SLC71A2: variants seen among roughly 807,000 people sequenced by gnomAD.
SLC71A2 encodes solute carrier family 71 member 2, also known as hippocampus abundant transcript-like 1.
At chr9:94,429,419 A>G in the SLC71A2 span, among the ~76,000 whole-genome samples, 1 of 152,186 alleles carries the variant, frequency 6.6e-6, no homozygotes, top group Admixed American at 6.5e-5. Flanking sequence ...ATACAACACA[A>G]ATACATAAGG....
the SLC71A2 span, among the ~76,000 whole-genome samples, chr9:94,430,255 C>T: frequency 6.8e-6 from 1 of 147,330 alleles, no homozygotes; most frequent in East Asian, 2.0e-4. Context: ...TGGAGTCTCG[C>T]TCTGTTGCCC....
chr9:94,382,944 C>T, the SLC71A2 span, among the ~76,000 whole-genome samples: 2 of 152,052 alleles, frequency 1.3e-5, no homozygotes, highest in Non-Finnish European at 2.9e-5. Flanking sequence ...CCACCTGCCT[C>T]GGCCTCCCAA....
the SLC71A2 span, among the ~76,000 whole-genome samples, chr9:94,425,825 T>C: frequency 6.6e-6 from 1 of 152,076 alleles, no homozygotes; most frequent in Non-Finnish European, 1.5e-5. Context: ...TAAACTAAGT[T>C]TCTCCCAAAG....
the SLC71A2 span, among the ~76,000 whole-genome samples, chr9:94,455,378 A>ATTTTTTT: frequency 6.0e-3 from 512 of 85,758 alleles, 48 homozygotes; most frequent in East Asian, 0.033. Context: ...TAATATTCTG[A>ATTTTTTT]TTTTTTTTTT....
chr9:94,412,467 C>G, the SLC71A2 span, among the ~76,000 whole-genome samples: 1 of 152,208 alleles, frequency 6.6e-6, no homozygotes, highest in Non-Finnish European at 1.5e-5. Context: ...CCACCATTTT[C>G]ACCCTTATGT....
the SLC71A2 span, among the ~76,000 whole-genome samples, chr9:94,435,131 G>A: frequency 6.6e-6 from 1 of 152,130 alleles, no homozygotes; most frequent in South Asian, 2.1e-4. Context: ...TGCATATAAA[G>A]CGTGCCCTCT....
the SLC71A2 span, among the ~76,000 whole-genome samples, chr9:94,453,392 C>T: frequency 6.6e-6 from 1 of 152,182 alleles, no homozygotes; most frequent in African/African-American, 2.4e-5. Context: ...TTGTGATCTG[C>T]TTGCCTCGGC....
the SLC71A2 span, among the ~76,000 whole-genome samples, chr9:94,410,096 T>C: frequency 6.7e-6 from 1 of 149,154 alleles, no homozygotes; most frequent in East Asian, 2.0e-4. Context: ...GGACGATGGC[T>C]TTTTTTTTTC....
At chr9:94,447,080 T>C in the SLC71A2 span, 1 of 541,148 alleles carries the variant, frequency 1.8e-6, no homozygotes, top group East Asian at 3.1e-5. Context: ...GGCATATAAT[T>C]AGTAAACAGG....
chr9:94,390,313 A>G, the SLC71A2 span, among the ~76,000 whole-genome samples: 51 of 150,184 alleles, frequency 3.4e-4, no homozygotes, highest in Non-Finnish European at 1.0e-4. Flanking sequence ...CCCTGTAACC[A>G]GGATCCATTA....
At chr9:94,457,128 C>A in the SLC71A2 span, among the ~76,000 whole-genome samples, 1 of 152,072 alleles carries the variant, frequency 6.6e-6, no homozygotes, top group African/African-American at 2.4e-5. Flanking sequence ...CCATGCCCAG[C>A]TAATTTTTTG....
chr9:94,388,413 A>G, the SLC71A2 span, among the ~76,000 whole-genome samples: 1 of 152,236 alleles, frequency 6.6e-6, no homozygotes, highest in Non-Finnish European at 1.5e-5. Context: ...CAAGGAACTT[A>G]CTGTAAGGCA....
At chr9:94,418,712 T>G in the SLC71A2 span, among the ~76,000 whole-genome samples, 2 of 151,956 alleles carry the variant, frequency 1.3e-5, no homozygotes, top group Non-Finnish European at 2.9e-5. Flanking sequence ...AGTGCTGAGA[T>G]TATAGGCATA....
chr9:94,438,845 A>G, the SLC71A2 span, among the ~76,000 whole-genome samples: 2 of 152,198 alleles, frequency 1.3e-5, no homozygotes, highest in Non-Finnish European at 2.9e-5. Flanking sequence ...TGGGCTAACA[A>G]TCCTGTCTTC....
chr9:94,452,000 T>G, the SLC71A2 span, among the ~76,000 whole-genome samples: 2 of 152,202 alleles, frequency 1.3e-5, no homozygotes, highest in Non-Finnish European at 2.9e-5. Context: ...TGCACCAGCA[T>G]CATCTGCCAT....
At chr9:94,437,357 C>T in the SLC71A2 span, among the ~76,000 whole-genome samples, 14,258 of 142,762 alleles carry the variant, frequency 0.1, 1,322 homozygotes, top group East Asian at 0.34. Context: ...GCTCTCCCCA[C>T]CCTGCTGCTT....
At chr9:94,447,947 T>C in the SLC71A2 span, among the ~76,000 whole-genome samples, 50 of 152,324 alleles carry the variant, frequency 3.3e-4, no homozygotes, top group African/African-American at 1.2e-3. Context: ...ATTAATAATA[T>C]GCATTTAAGG....
At chr9:94,392,615 C>T in the SLC71A2 span, among the ~76,000 whole-genome samples, 1 of 152,044 alleles carries the variant, frequency 6.6e-6, no homozygotes, top group African/African-American at 2.4e-5. Context: ...ATTCTCCTGC[C>T]TCAGCCTCCC....
At chr9:94,423,294 A>G in the SLC71A2 span, among the ~76,000 whole-genome samples, 1 of 139,206 alleles carries the variant, frequency 7.2e-6, no homozygotes, top group Admixed American at 7.6e-5. Context: ...GGTAGGCAGG[A>G]AAGTATTTTT....
Sources: allele counts gnomAD v4.1 joint callset (sites outside exome capture counted in the v4.1 genomes callset), GRCh38; gene constraint gnomAD v4.1.1; transcripts MANE v1.5; gene names NCBI Gene and HGNC (gene_info 2026-07-23, HGNC 2026-07-21).